The following RASGRP3 variants were observed in gnomAD, a reference collection of about 807,000 sequenced individuals.
RASGRP3 encodes ras guanyl-releasing protein 3.
A neutral mutation model predicts 82.7 loss-of-function variants in RASGRP3; 54 were observed. The observed-to-expected ratio is 0.65, with a 90% confidence interval of 0.52 to 0.82. The LOEUF (loss-of-function observed/expected upper bound fraction) is 0.82. RASGRP3 is among the 40% of genes least tolerant of loss of function. The pLI is 0.00. For missense variants in RASGRP3, 861 were observed against 828.9 expected, an observed-to-expected ratio of 1.04 and a Z score of -0.48; for synonymous variants, 309 against 300.5, an observed-to-expected ratio of 1.03 and a Z score of -0.29.
At chr2:33,446,161 G>A (rs1279575368) in intron 1 of RASGRP3, among the ~76,000 whole-genome samples, 1 of 151,978 alleles carries the variant, frequency 6.6e-6, no homozygotes, top group Admixed American at 6.6e-5. Flanking sequence ...TCGTTTGTTT[G>A]TTTGTTTTGT....
chr2:33,487,803 T>C (rs989339484), intron 1 of RASGRP3, among the ~76,000 whole-genome samples: 1 of 152,148 alleles, frequency 6.6e-6, no homozygotes, highest in Non-Finnish European at 1.5e-5. Flanking sequence ...TGCTGCACCT[T>C]AAGAAAGCCA....
rs559318821 is a variant in RASGRP3, at chr2:33,562,851, T to C, written c.*114T>C. 7.2e-7 allele frequency: 1 copy of C among 1,389,344 alleles called. No individual in the cohort carries two copies. Among genetic ancestry groups the C allele is most frequent in the Admixed American group, 1.9e-5 (1 of 53,464 alleles). 86.1% of individuals were successfully genotyped at this position (1,389,344 alleles called of 1,614,324 possible). ...GTTATCTGGAAAGATACCTGGATGTTTACTGCCTTGGGACACTGTGGGATC... is the reference window on the plus strand; with the variant it reads ...GTTATCTGGAAAGATACCTGGATGTCTACTGCCTTGGGACACTGTGGGATC... On this transcript the variant is annotated 3_prime_UTR_variant, in exon 18 of 18. Transcript: ENST00000403687.
At chr2:33,457,328 A>G (rs1666095401) in intron 2 of RASGRP3, among the ~76,000 whole-genome samples, 1 of 151,926 alleles carries the variant, frequency 6.6e-6, no homozygotes, top group Non-Finnish European at 1.5e-5. Context: ...TTTTTCTTCA[A>G]AGTGGATATA....
chr2:33,554,513 C>T (rs1675716402), intron 14 of RASGRP3, among the ~76,000 whole-genome samples: 1 of 151,716 alleles, frequency 6.6e-6, no homozygotes, highest in Non-Finnish European at 1.5e-5. Flanking sequence ...TGCTCTGTTG[C>T]CCAGGCTGGA....
chr2:33,518,993 C>T (rs1671736446), intron 4 of RASGRP3, among the ~76,000 whole-genome samples: 1 of 152,150 alleles, frequency 6.6e-6, no homozygotes, highest in Admixed American at 6.5e-5. Flanking sequence ...TCTAAAATTA[C>T]AACAAAAATA....
At chr2:33,512,373 A>G (rs1189576739) in intron 2 of RASGRP3, among the ~76,000 whole-genome samples, 1 of 152,196 alleles carries the variant, frequency 6.6e-6, no homozygotes, top group Non-Finnish European at 1.5e-5. Flanking sequence ...TCTAAGTAAT[A>G]TGTCTACTCT....
intron 10 of RASGRP3, among the ~76,000 whole-genome samples, chr2:33,527,773 C>T (rs574621786): frequency 1.2e-4 from 18 of 152,300 alleles, no homozygotes; most frequent in Admixed American, 5.9e-4. Flanking sequence ...TCCTCTTTAT[C>T]CTCACTGCAC....
intron 15 of RASGRP3, among the ~76,000 whole-genome samples, chr2:33,556,021 C>T (rs1675907298): frequency 6.6e-6 from 1 of 152,112 alleles, no homozygotes; most frequent in African/African-American, 2.4e-5. Flanking sequence ...GTAATTTTGT[C>T]CTTTTCAATG....
intron 10 of RASGRP3, among the ~76,000 whole-genome samples, chr2:33,527,674 G>A (rs1427967287): frequency 1.3e-5 from 2 of 152,138 alleles, no homozygotes; most frequent in East Asian, 1.9e-4. Context: ...GAGTTCTTAG[G>A]CTCCTCCAGA....
In RASGRP3 at chr2:33,510,592, C is replaced by T. The variant is rs79761218; in HGVS notation, c.-260-1118C>T. ...TCCCTTTCGCTTCTACAAATTGGTC[C>T]TCTACTTCAGGCCTCAACTTAAAAG... is the stretch of plus-strand genomic sequence containing the variant. On this transcript the variant is annotated intron_variant, in intron 1 of 17. Transcript: ENST00000403687. Among the ~76,000 whole-genome samples the T allele has an allele frequency of 6.4e-3, 980 of 152,252 alleles. 9 individuals carry two copies. Among genetic ancestry groups the T allele is most frequent in the African/African-American group, 0.022 (930 of 41,548 alleles).
At chr2:33,534,126 A>G in intron 10 of RASGRP3, 197 bp from the exon 11 acceptor site, 1 of 582,294 alleles carries the variant, frequency 1.7e-6, no homozygotes, top group Admixed American at 3.0e-5. Flanking sequence ...TCTCGTCAAT[A>G]CTGATGATTA....
In RASGRP3 at chr2:33,527,284, T is replaced by C. The variant is rs1672669583; in HGVS notation, c.955T>C (p.Trp319Arg). 3 of 1,613,872 alleles carry C rather than the reference T, an allele frequency of 1.9e-6. No individual in the cohort carries two copies. Among genetic ancestry groups the C allele is most frequent in the Non-Finnish European group, 2.5e-6 (3 of 1,179,890 alleles). Residue 319 changes from tryptophan (W) to arginine (R), a missense_variant, in exon 10 of 18, where the codon TGG (tryptophan) becomes CGG (arginine). Coordinates refer to ENST00000403687, the MANE Select transcript of RASGRP3 (RefSeq NM_001139488.2). ...AGCTGTCCATGTCATTTTCCCAGAC[T>C]GGACAGAGGAGAACAAAGTGAACAT... ...LIAVHVIFPD[W>R]TEENKVNIVK...
At chr2:33,488,804 G>A (rs1007488596) in intron 1 of RASGRP3, among the ~76,000 whole-genome samples, 2 of 152,180 alleles carry the variant, frequency 1.3e-5, no homozygotes, top group Non-Finnish European at 2.9e-5. Context: ...TTGAGATGAT[G>A]TCTAAAAGAC....
intron 17 of RASGRP3, among the ~76,000 whole-genome samples, chr2:33,560,246 G>A (rs960123544): frequency 2.0e-5 from 3 of 151,968 alleles, no homozygotes; most frequent in African/African-American, 7.3e-5. Context: ...ACTCACCCCA[G>A]CCAACTAATT....
At chr2:33,447,584 C>A (rs1210418878) in intron 1 of RASGRP3, among the ~76,000 whole-genome samples, 3 of 152,034 alleles carry the variant, frequency 2.0e-5, no homozygotes, top group Non-Finnish European at 4.4e-5. Context: ...TACAGGCGTG[C>A]ACCACCATGC....
intron 5 of RASGRP3, 42 bp downstream of exon 5, chr2:33,520,056 C>A: frequency 1.4e-6 from 2 of 1,473,944 alleles, no homozygotes; most frequent in Non-Finnish European, 1.9e-6. Flanking sequence ...GTTTCTGGTT[C>A]TGGAATCGTG....
intron 1 of RASGRP3, among the ~76,000 whole-genome samples, chr2:33,504,026 AT>A: frequency 1.3e-5 from 2 of 152,110 alleles, no homozygotes; most frequent in East Asian, 3.9e-4. Flanking sequence ...GACCCCAATC[AT>A]TTTCTCTGTC....
chr2:33,466,684 A>AT (rs931171611), intron 2 of RASGRP3, among the ~76,000 whole-genome samples: 5 of 152,112 alleles, frequency 3.3e-5, no homozygotes, highest in African/African-American at 1.2e-4. Flanking sequence ...TGTATCAAAA[A>AT]AAAAAAAAAG....
At chr2:33,526,731 A>C (rs1251724493) in intron 9 of RASGRP3, among the ~76,000 whole-genome samples, 1 of 152,168 alleles carries the variant, frequency 6.6e-6, no homozygotes, top group Non-Finnish European at 1.5e-5. Context: ...TCTCTACCCC[A>C]TACTGTCCCA....
Sources: allele counts gnomAD v4.1 joint callset (sites outside exome capture counted in the v4.1 genomes callset), GRCh38; gene constraint gnomAD v4.1.1; transcripts MANE v1.5; gene names NCBI Gene and HGNC (gene_info 2026-07-23, HGNC 2026-07-21).